Variants in SLC24A4 observed in about 807,000 individuals in gnomAD.
The protein encoded by SLC24A4 is solute carrier family 24 member 4.
SLC24A4 carries 53 observed loss-of-function variants against 79.0 expected under a neutral mutation model. The observed-to-expected ratio is 0.67, with a 90% confidence interval of 0.54 to 0.84. The LOEUF (loss-of-function observed/expected upper bound fraction) is 0.84. Among genes scored for constraint, SLC24A4 ranks in the 40% least tolerant of loss-of-function variants. The pLI is 0.00. For synonymous variants in SLC24A4, 323 were observed against 323.8 expected (o/e 1.00, Z 0.03); for missense variants, 731 against 822.0 (o/e 0.89, Z 1.35).
intron 12 of SLC24A4, among the ~76,000 whole-genome samples, chr14:92,458,302 G>A (rs1000758609): frequency 3.3e-5 from 5 of 152,222 alleles, no homozygotes; most frequent in African/African-American, 1.2e-4. Context: ...TCACAGAGGA[G>A]CCCAGCCCAG....
At chr14:92,430,869 G>T (rs1055400880) in intron 2 of SLC24A4, among the ~76,000 whole-genome samples, 2 of 152,172 alleles carry the variant, frequency 1.3e-5, no homozygotes, top group Non-Finnish European at 2.9e-5. Context: ...CTCAAAAGCC[G>T]TGTGTATGTT....
rs754178608 is a variant in SLC24A4, at chr14:92,491,661, G to C, written c.1538-4G>C. The C allele has an allele frequency of 1.3e-6, 2 of 1,597,752 alleles. No individual in the cohort carries two copies. The highest frequency in any genetic ancestry group is 2.2e-5 in the East Asian group (1 of 44,808). On this transcript the variant is annotated splice_polypyrimidine_tract_variant and splice_region_variant and intron_variant, in intron 14 of 16. Coordinates refer to ENST00000532405, the MANE Select transcript of SLC24A4 (RefSeq NM_153646.4). ...TAAAATAAATGTGTTGTTGTCCCCT[G>C]CAGGCCTTGGGGACATGGCAGTCTC...
At chr14:92,445,744 C>T (rs556962437) in intron 8 of SLC24A4, among the ~76,000 whole-genome samples, 1 of 152,208 alleles carries the variant, frequency 6.6e-6, no homozygotes, top group African/African-American at 2.4e-5. Context: ...TGGGAATCCA[C>T]ACAGAACAAC....
At chr14:92,486,411 C>T (rs1895359822) in intron 13 of SLC24A4, among the ~76,000 whole-genome samples, 1 of 152,202 alleles carries the variant, frequency 6.6e-6, no homozygotes, top group Admixed American at 6.5e-5. Context: ...GTTCATGTGG[C>T]ATCCCTGGTC....
chr14:92,356,301 C>T (rs1195725324), intron 2 of SLC24A4, among the ~76,000 whole-genome samples: 1 of 152,176 alleles, frequency 6.6e-6, no homozygotes, highest in East Asian at 1.9e-4. Context: ...AGTTGAAGAG[C>T]ATCTATACTT....
intron 2 of SLC24A4, among the ~76,000 whole-genome samples, chr14:92,391,851 G>A (rs112456345): frequency 0.027 from 4,184 of 152,294 alleles, 185 homozygotes; most frequent in East Asian, 0.17. Context: ...CCAGCCCACC[G>A]CCAGCACCAG....
chr14:92,449,818 C>T (rs907226251), intron 10 of SLC24A4, among the ~76,000 whole-genome samples: 2 of 152,260 alleles, frequency 1.3e-5, no homozygotes, highest in Non-Finnish European at 2.9e-5. Context: ...GCCTCGTCTC[C>T]CCAGCGGCTC....
chr14:92,439,245 C>A, intron 3 of SLC24A4, 90 bp from the exon 4 acceptor site: 1 of 1,096,550 alleles, frequency 9.1e-7, no homozygotes. Context: ...CTGGCCTCTG[C>A]CCTGGCAGCC....
chr14:92,419,783 G>A (rs1218466823), intron 2 of SLC24A4, among the ~76,000 whole-genome samples: 5 of 152,126 alleles, frequency 3.3e-5, no homozygotes, highest in African/African-American at 9.7e-5. Context: ...ATGAATAAAG[G>A]GTCAATCAAG....
chr14:92,486,541 A>G, intron 13 of SLC24A4, 125 bp from the exon 14 acceptor site: 1 of 647,270 alleles, frequency 1.5e-6, no homozygotes, highest in Non-Finnish European at 2.7e-6. Context: ...TTGTTTTAAA[A>G]GAGGCAGCCC....
intron 2 of SLC24A4, among the ~76,000 whole-genome samples, chr14:92,379,015 T>C (rs905707964): frequency 7.2e-5 from 11 of 152,140 alleles, no homozygotes; most frequent in African/African-American, 2.7e-4. Context: ...TGAGCTGTGG[T>C]AGGACCACTG....
At chr14:92,413,815 T>C (rs1306955054) in intron 2 of SLC24A4, among the ~76,000 whole-genome samples, 1 of 152,226 alleles carries the variant, frequency 6.6e-6, no homozygotes, top group Non-Finnish European at 1.5e-5. Context: ...AACAGGGATT[T>C]GCTGTCATCC....
intron 12 of SLC24A4, among the ~76,000 whole-genome samples, chr14:92,479,467 G>A (rs986240462): frequency 6.6e-6 from 1 of 152,172 alleles, no homozygotes; most frequent in African/African-American, 2.4e-5. Flanking sequence ...AGAGGATTGT[G>A]TAGTTTTATC....
intron 2 of SLC24A4, among the ~76,000 whole-genome samples, chr14:92,352,713 A>G (rs962541491): frequency 1.3e-5 from 2 of 152,164 alleles, no homozygotes; most frequent in Non-Finnish European, 2.9e-5. Flanking sequence ...GCCAAAAGTG[A>G]GGGTGGTGGC....
chr14:92,423,957 G>A (rs1304718661), intron 2 of SLC24A4, among the ~76,000 whole-genome samples: 1 of 152,206 alleles, frequency 6.6e-6, no homozygotes, highest in East Asian at 1.9e-4. Flanking sequence ...CAAGGTATCA[G>A]CAGGATTGAT....
At chr14:92,419,824 C>T (rs866239851) in intron 2 of SLC24A4, among the ~76,000 whole-genome samples, 2 of 152,104 alleles carry the variant, frequency 1.3e-5, no homozygotes. Context: ...AGTTGTTTTT[C>T]CCCAAAAGAT....
chr14:92,392,224 C>A (rs1889513758), intron 2 of SLC24A4, among the ~76,000 whole-genome samples: 1 of 151,106 alleles, frequency 6.6e-6, no homozygotes, highest in Non-Finnish European at 1.5e-5. Context: ...GTGGAGAAAT[C>A]TAGTATGTCC....
chr14:92,326,394 T>C (rs868227204), intron 2 of SLC24A4, among the ~76,000 whole-genome samples: 8 of 152,122 alleles, frequency 5.3e-5, no homozygotes, highest in South Asian at 4.1e-4. Flanking sequence ...CCCACCAGGG[T>C]CTCAGCATGA....
chr14:92,389,406 A>G (rs1377998894), intron 2 of SLC24A4, among the ~76,000 whole-genome samples: 1 of 152,152 alleles, frequency 6.6e-6, no homozygotes, highest in Non-Finnish European at 1.5e-5. Context: ...AAAATGAACC[A>G]GATCTGATTC....
Sources: gnomAD v4.1 joint callset for allele counts (sites outside exome capture counted in the v4.1 genomes callset) on GRCh38, gnomAD v4.1.1 for gene constraint, MANE v1.5 for transcripts, NCBI Gene and HGNC (gene_info 2026-07-23, HGNC 2026-07-21) for gene names.